DRICH1: variants seen among roughly 807,000 people sequenced by gnomAD.
DRICH1 encodes the protein aspartate rich 1, also known as aspartate-rich protein 1.
In DRICH1, 38 loss-of-function variants were observed where a neutral mutation model predicts 39.5. The observed-to-expected ratio is 0.96, with a 90% CI of 0.74 to 1.26. The LOEUF (loss-of-function observed/expected upper bound fraction) is 1.26, where lower values mean the gene tolerates loss of function less well. Among genes scored for constraint, DRICH1 ranks in the 50% most tolerant of loss-of-function variants. The pLI is 0.00. For missense variants in DRICH1, 279 were observed against 270.4 expected (o/e 1.03, Z -0.22); for synonymous variants, 84 against 99.5 (o/e 0.84, Z 0.93).
At chr22:23,581,592 C>A in the DRICH1 span, 2 of 150,558 alleles carry the variant, frequency 1.3e-5, no homozygotes, top group Non-Finnish European at 1.5e-5. Context: ...ATACACACAA[C>A]CTAAAATTTA....
the DRICH1 span, among the ~76,000 whole-genome samples, chr22:23,594,023 G>A: frequency 6.6e-6 from 1 of 150,458 alleles, no homozygotes. Context: ...GGCATCCTAA[G>A]GGACTATGGG....
At chr22:23,606,254 C>T (rs1186281295), downstream of DRICH1, among the ~76,000 whole-genome samples, 1 of 152,154 alleles carries the variant, frequency 6.6e-6, no homozygotes, top group African/African-American at 2.4e-5. Context: ...TCACCCCTTA[C>T]CTGCCCCACA....
the DRICH1 span, among the ~76,000 whole-genome samples, chr22:23,602,350 A>G: frequency 1.9e-4 from 9 of 47,226 alleles, no homozygotes; most frequent in Non-Finnish European, 1.6e-4. Flanking sequence ...TAATCCCAGC[A>G]CTGTGGGAGG....
At chr22:23,619,858 A>G (rs552269343) in intron 5 of DRICH1, among the ~76,000 whole-genome samples, 1 of 151,912 alleles carries the variant, frequency 6.6e-6, no homozygotes, top group South Asian at 2.1e-4. Flanking sequence ...GCACAGACAA[A>G]TGAATGTGCT....
At chr22:23,610,951 G>C (rs961551857) in intron 11 of DRICH1, among the ~76,000 whole-genome samples, 1 of 138,738 alleles carries the variant, frequency 7.2e-6, no homozygotes, top group Admixed American at 7.5e-5. Context: ...GATTCTCTCT[G>C]TTCTCATTCC....
chr22:23,582,351 T>C, the DRICH1 span, among the ~76,000 whole-genome samples: 1 of 151,332 alleles, frequency 6.6e-6, no homozygotes. Flanking sequence ...CTAGATCTTT[T>C]TCATCTTGCA....
At chr22:23,587,321 A>T in the DRICH1 span, among the ~76,000 whole-genome samples, 118 of 152,324 alleles carry the variant, frequency 7.7e-4, no homozygotes, top group African/African-American at 2.7e-3. Flanking sequence ...ATAACCGGGA[A>T]TCTGGATGTG....
At chr22:23,584,281 T>C in the DRICH1 span, among the ~76,000 whole-genome samples, 1 of 152,156 alleles carries the variant, frequency 6.6e-6, no homozygotes, top group Non-Finnish European at 1.5e-5. Context: ...GCCCTCTGGG[T>C]CCTGCCTGGC....
rs989763226 is a variant in DRICH1 at position 23,613,334 on chromosome 22, T to C, written c.644-4A>G. 9 of 1,612,222 alleles carry C rather than the reference T, an allele frequency of 5.6e-6. No individual in the cohort carries two copies. Among genetic ancestry groups the C allele is most frequent in the African/African-American group, 4.0e-5 (3 of 74,828 alleles). ...CTTAGACTCTCCAGCGTCAAGTCTT[T>C]AGAAACAAAAACACCAGAATAAGTC... On this transcript the variant is annotated splice_region_variant and splice_polypyrimidine_tract_variant and intron_variant, in intron 10 of 11. Coordinates refer to ENST00000317749, the MANE Select transcript of DRICH1 (RefSeq NM_016449.4).
chr22:23,584,403 T>C, the DRICH1 span, among the ~76,000 whole-genome samples: 1 of 152,266 alleles, frequency 6.6e-6, no homozygotes, highest in Admixed American at 6.5e-5. Context: ...CTGCCCACTC[T>C]CTATGCCCCA....
the DRICH1 span, among the ~76,000 whole-genome samples, chr22:23,594,641 A>G: frequency 6.6e-6 from 1 of 152,254 alleles, no homozygotes; most frequent in Non-Finnish European, 1.5e-5. Flanking sequence ...TCAGAGTGGC[A>G]GGGCCACTGA....
intron 1 of DRICH1, among the ~76,000 whole-genome samples, chr22:23,630,223 C>CT (rs938797768): frequency 4.6e-5 from 7 of 152,182 alleles, no homozygotes; most frequent in African/African-American, 1.2e-4. Context: ...GTTTGGCACA[C>CT]TTATAGGCCA....
chr22:23,619,257 C>G, intron 6 of DRICH1, 107 bp downstream of exon 6: 1 of 673,692 alleles, frequency 1.5e-6, no homozygotes, highest in Admixed American at 2.0e-5. Flanking sequence ...CATAAAGTTT[C>G]TAAAAGTAAA....
intron 4 of DRICH1, 131 bp from the exon 5 acceptor site, chr22:23,620,746 C>A (rs1308814518): frequency 9.8e-7 from 1 of 1,024,946 alleles, no homozygotes; most frequent in Non-Finnish European, 1.5e-6. Context: ...GGTCAAAGGC[C>A]AAACATTCTA....
At chr22:23,615,978 G>A (rs1292086170) in intron 8 of DRICH1, among the ~76,000 whole-genome samples, 1 of 152,206 alleles carries the variant, frequency 6.6e-6, no homozygotes, top group East Asian at 1.9e-4. Context: ...TTGACAGTGT[G>A]CTCAAGGTTG....
At chr22:23,612,068 C>T (rs1927066223) in intron 11 of DRICH1, among the ~76,000 whole-genome samples, 1 of 151,978 alleles carries the variant, frequency 6.6e-6, no homozygotes, top group Non-Finnish European at 1.5e-5. Context: ...AAAGATATGC[C>T]CCCTTCTAAC....
chr22:23,613,794 A>G (rs899411081), intron 9 of DRICH1, 134 bp from the exon 10 acceptor site: 1 of 666,986 alleles, frequency 1.5e-6, no homozygotes, highest in African/African-American at 1.8e-5. Flanking sequence ...AAGTCCCCCA[A>G]AGACTAGCAC....
Position 23,629,552 on chromosome 22 carries a change from T to C in DRICH1, c.208+2264A>G, listed in dbSNP as rs17002904. Reference sequence around the variant, plus strand: ...CGGCACCAGGCTAATAATAATATTGTCCTGAGTTCTGACGTGGCACTGGCC... The same window carrying C: ...CGGCACCAGGCTAATAATAATATTGCCCTGAGTTCTGACGTGGCACTGGCC... On this transcript the variant is annotated intron_variant, in intron 1 of 11. Transcript: ENST00000317749. 8.1e-3 allele frequency among the ~76,000 whole-genome samples: 1,228 copies of C among 152,300 alleles called. 27 individuals are homozygous for C. Among genetic ancestry groups the C allele is most frequent in the East Asian group, 0.078 (405 of 5,178 alleles).
the DRICH1 span, among the ~76,000 whole-genome samples, chr22:23,591,104 A>G: frequency 6.6e-6 from 1 of 152,182 alleles, no homozygotes; most frequent in East Asian, 1.9e-4. Context: ...AATTACAGAG[A>G]TGTGTAAGAA....
Sources: gnomAD v4.1 joint callset for allele counts (sites outside exome capture counted in the v4.1 genomes callset) on GRCh38, gnomAD v4.1.1 for gene constraint, MANE v1.5 for transcripts, NCBI Gene and HGNC (gene_info 2026-07-23, HGNC 2026-07-21) for gene names.